The following PKP2 variants were observed in gnomAD, a reference collection of about 807,000 sequenced individuals.
PKP2 encodes plakophilin 2.
Under a neutral mutation model 83.4 loss-of-function variants are expected in PKP2, and 73 were observed. The observed-to-expected ratio is 0.88, with a 90% CI of 0.72 to 1.06. The LOEUF is 1.06. Ranked by LOEUF, PKP2 falls within the 50% of genes least tolerant of loss-of-function variation. The pLI is 0.00. For missense variants in PKP2, 966 were observed against 1,065.4 expected (o/e 0.91, Z 1.30); for synonymous variants, 409 against 430.4 (o/e 0.95, Z 0.62).
intron 6 of PKP2, among the ~76,000 whole-genome samples, chr12:32,826,460 C>T (rs763928707): frequency 9.9e-5 from 15 of 152,070 alleles, no homozygotes; most frequent in Non-Finnish European, 1.6e-4. Context: ...CATGATTCAA[C>T]GTGACAGTTG....
intron 1 of PKP2, among the ~76,000 whole-genome samples, chr12:32,888,190 T>TACA (rs1247500572): frequency 1.3e-5 from 2 of 152,204 alleles, no homozygotes; most frequent in African/African-American, 4.8e-5. Flanking sequence ...AATGAATGAA[T>TACA]ACACTGTTCA....
Position 32,858,085 on chromosome 12 carries a change from ATATAT to A in PKP2, c.1171-7117_1171-7113del, listed in dbSNP as rs1265549454. 7.7e-3 allele frequency among the ~76,000 whole-genome samples: 329 copies of A among 42,628 alleles called. 2 individuals are homozygous for A. The highest frequency in any genetic ancestry group is 9.0e-3 in the South Asian group (9 of 996). 28.0% of individuals were successfully genotyped at this position (42,628 alleles called of 152,430 possible). ...TCTACAAAAAAAAAAAAAAAAAAAA[ATATAT>A]ATATATATATATATATATATATATA... On this transcript the variant is annotated intron_variant, in intron 4 of 12. Transcript: ENST00000340811.
chr12:32,868,334 C>T (rs777299623), intron 4 of PKP2, among the ~76,000 whole-genome samples: 1 of 152,088 alleles, frequency 6.6e-6, no homozygotes, highest in Non-Finnish European at 1.5e-5. Context: ...CTGCCTCAGC[C>T]TCCCAAGTAG....
chr12:32,882,081 C>A (rs1956991823), intron 1 of PKP2, among the ~76,000 whole-genome samples: 1 of 152,124 alleles, frequency 6.6e-6, no homozygotes, highest in African/African-American at 2.4e-5. Context: ...TATCCCCACC[C>A]CCAATAAAAC....
intron 4 of PKP2, among the ~76,000 whole-genome samples, chr12:32,856,836 G>T (rs937138562): frequency 1.3e-5 from 2 of 152,096 alleles, no homozygotes; most frequent in Non-Finnish European, 2.9e-5. Context: ...ACCGTTCACT[G>T]ACAGGGAACA....
At chr12:32,821,999 A>T (rs188403550) in intron 8 of PKP2, among the ~76,000 whole-genome samples, 1 of 152,226 alleles carries the variant, frequency 6.6e-6, no homozygotes, top group Non-Finnish European at 1.5e-5. Context: ...CTTAGTTTTC[A>T]TATCAGTATG....
rs1261917007 is a variant in PKP2 at position 32,896,677 on chromosome 12, G to A, written c.55C>T (p.Gln19Ter). 1 of 1,547,212 alleles carries A rather than the reference G, an allele frequency of 6.5e-7. No individual in the cohort carries two copies. The highest frequency in any genetic ancestry group is 1.2e-5 in the South Asian group (1 of 84,542). ...EYGYIRTVLG[Q>*]QILGQLDSSS... ...CTGTCCAGTTGTCCCAGGATCTGCT[G>A]GCCCAGGACGGTCCGGATGTAGCCG... Residue 19 changes from glutamine to a stop codon, truncating the protein, a stop_gained, in exon 1 of 13, where the codon CAG becomes TAG. Transcript: ENST00000340811. LOFTEE classifies it high-confidence loss of function.
intron 4 of PKP2, among the ~76,000 whole-genome samples, chr12:32,866,372 G>A (rs1956848755): frequency 6.6e-6 from 1 of 151,680 alleles, no homozygotes; most frequent in Non-Finnish European, 1.5e-5. Context: ...GGGCAACATG[G>A]TGAAACCCCA....
At chr12:32,852,626 A>G (rs1956710194) in intron 4 of PKP2, among the ~76,000 whole-genome samples, 1 of 152,192 alleles carries the variant, frequency 6.6e-6, no homozygotes, top group African/African-American at 2.4e-5. Context: ...TTAAGAAGAA[A>G]GTACTCTTGA....
At chr12:32,824,354 T>C (rs949585288) in intron 6 of PKP2, 192 bp from the exon 7 acceptor site, 3 of 594,846 alleles carry the variant, frequency 5.0e-6, no homozygotes, top group African/African-American at 3.7e-5. Flanking sequence ...TTCTAAATAT[T>C]TCCAAACAAC....
At chr12:32,889,685 G>C (rs1225837017) in intron 1 of PKP2, among the ~76,000 whole-genome samples, 2 of 152,192 alleles carry the variant, frequency 1.3e-5, no homozygotes, top group Non-Finnish European at 2.9e-5. Flanking sequence ...TCTTGGGGTA[G>C]ATGGAAGGTG....
chr12:32,856,539 T>G (rs1437681263), intron 4 of PKP2, among the ~76,000 whole-genome samples: 1 of 151,628 alleles, frequency 6.6e-6, no homozygotes, highest in Non-Finnish European at 1.5e-5. Flanking sequence ...CACTCATAGG[T>G]GGGAACTGAA....
chr12:32,796,254 CTG>C lies in PKP2; in HGVS notation c.2210_2211del (p.Thr737SerfsTer5), dbSNP rs1162307590. On this transcript the variant is annotated frameshift_variant, in exon 11 of 13. Transcript: ENST00000340811. LOFTEE classifies it high-confidence loss of function. ...LPDLVSIIPD[T>X]VPSTDLLIET... is the part of the protein sequence containing the mutation. ...TCAATGAGAAGGTCAGTACTCGGGA[CTG>C]TGTCAGGAATGATGGAAACCAAATC... is the stretch of plus-strand genomic sequence containing the variant. 1.2e-6 allele frequency: 2 copies of C among 1,612,828 alleles called. No individual in the cohort carries two copies. Among genetic ancestry groups the C allele is most frequent in the South Asian group, 1.1e-5 (1 of 91,032 alleles).
intron 6 of PKP2, among the ~76,000 whole-genome samples, chr12:32,826,305 C>CAAAAAAAA (rs71068338): frequency 2.4e-5 from 2 of 84,682 alleles, no homozygotes; most frequent in Non-Finnish European, 4.7e-5. Context: ...GACACCGTCT[C>CAAAAAAAA]AAAAAAAAAA....
At chr12:32,847,030 A>G (rs543779124) in intron 5 of PKP2, among the ~76,000 whole-genome samples, 34 of 152,146 alleles carry the variant, frequency 2.2e-4, no homozygotes, top group African/African-American at 7.9e-4. Flanking sequence ...CCTCTTACGG[A>G]GTTGTCAGGA....
intron 4 of PKP2, among the ~76,000 whole-genome samples, chr12:32,865,148 G>A (rs1192776328): frequency 6.6e-6 from 1 of 152,086 alleles, no homozygotes; most frequent in Non-Finnish European, 1.5e-5. Context: ...GCTGAGGTGA[G>A]TGGATCACTT....
intron 5 of PKP2, among the ~76,000 whole-genome samples, chr12:32,846,509 C>T (rs1260715259): frequency 6.6e-6 from 1 of 152,102 alleles, no homozygotes; most frequent in Non-Finnish European, 1.5e-5. Context: ...CTTTGGGAGG[C>T]TGAGGCCGGC....
intron 4 of PKP2, among the ~76,000 whole-genome samples, chr12:32,851,312 C>T (rs1592750828): frequency 2.0e-5 from 3 of 152,098 alleles, no homozygotes; most frequent in African/African-American, 7.2e-5. Flanking sequence ...GGAATCTAGG[C>T]AGTAAGGAGA....
At chr12:32,812,057 G>A (rs946229213) in intron 9 of PKP2, among the ~76,000 whole-genome samples, 2 of 151,760 alleles carry the variant, frequency 1.3e-5, no homozygotes, top group African/African-American at 4.8e-5. Context: ...TGCTTGCGTG[G>A]GGGAAACTGG....
Sources: gnomAD v4.1 joint callset for allele counts (sites outside exome capture counted in the v4.1 genomes callset) on GRCh38, gnomAD v4.1.1 for gene constraint, MANE v1.5 for transcripts, NCBI Gene and HGNC (gene_info 2026-07-23, HGNC 2026-07-21) for gene names.